NAA60: variants seen among roughly 807,000 people sequenced by gnomAD.
NAA60 encodes N-alpha-acetyltransferase 60.
In NAA60, 8 loss-of-function variants were observed where a neutral mutation model predicts 26.1. That is an observed-to-expected ratio of 0.31 (90% CI 0.18 to 0.55). The LOEUF is 0.55. Among genes scored for constraint, NAA60 ranks in the 20% least tolerant of loss-of-function variants. The pLI is 0.93. For synonymous variants in NAA60, 131 were observed against 122.5 expected (o/e 1.07, Z -0.46); for missense variants, 290 against 311.3 (o/e 0.93, Z 0.51).
intron 1 of NAA60, among the ~76,000 whole-genome samples, chr16:3,447,140 C>T (rs1011956454): frequency 6.6e-6 from 1 of 152,142 alleles, no homozygotes; most frequent in Admixed American, 6.5e-5. Flanking sequence ...TGCCCCCGGC[C>T]CCTATTCTTA....
intron 2 of NAA60, among the ~76,000 whole-genome samples, chr16:3,459,991 T>TTGTG (rs1407666949): frequency 6.6e-6 from 1 of 152,214 alleles, no homozygotes; most frequent in East Asian, 1.9e-4. Flanking sequence ...CCAGGAGGGA[T>TTGTG]TGTGCCCTGT....
intron 2 of NAA60, among the ~76,000 whole-genome samples, chr16:3,474,246 C>T (rs758932562): frequency 9.2e-5 from 14 of 152,196 alleles, no homozygotes; most frequent in Admixed American, 2.0e-4. Context: ...TCAGTGCTGG[C>T]CCTGTCCCAG....
At chr16:3,464,119 C>T (rs191567188) in intron 2 of NAA60, among the ~76,000 whole-genome samples, 3 of 152,230 alleles carry the variant, frequency 2.0e-5, no homozygotes, top group South Asian at 2.1e-4. Context: ...CTGCACCCTC[C>T]GCCTCCTGGG....
rs1393750808 is a variant in NAA60 at position 3,480,857 on chromosome 16, G to GGA, written c.240+1260_240+1261dup. On this transcript the variant is annotated intron_variant, in intron 4 of 7. Coordinates refer to ENST00000407558, the MANE Select transcript of NAA60 (RefSeq NM_001083601.3). ...GGAGGCAGTGGAGGTTGCAGTGAGCGGAGATTGCACTTTTGCACTCCAGCC... is the reference window on the plus strand; with the variant it reads ...GGAGGCAGTGGAGGTTGCAGTGAGCGGAGAGATTGCACTTTTGCACTCCAGCC... 2.6e-5 allele frequency among the ~76,000 whole-genome samples: 4 copies of GGA among 152,204 alleles called. No homozygotes were observed. The East Asian group carries it at 7.7e-4, about 29-fold the overall frequency.
rs1374581911 is a variant in NAA60, at chr16:3,475,278, CAG to C, written c.-6-943_-6-942del. ...TTAATTTTTGTATTTTTTGTAGAGA[CAG>C]GGTTTTGCCATGTTGGCCAGGCTGG... On this transcript the variant is annotated intron_variant, in intron 2 of 7. Coordinates refer to ENST00000407558, the MANE Select transcript of NAA60 (RefSeq NM_001083601.3). 4.6e-5 allele frequency among the ~76,000 whole-genome samples: 7 copies of C among 152,224 alleles called. No individual in the cohort carries two copies. The East Asian group carries it at 1.4e-3, about 29-fold the overall frequency.
At chr16:3,447,068 C>G (rs1055768017) in intron 1 of NAA60, among the ~76,000 whole-genome samples, 1 of 152,034 alleles carries the variant, frequency 6.6e-6, no homozygotes, top group Non-Finnish European at 1.5e-5. Context: ...GTCTCGAACT[C>G]CTGACCTTGT....
intron 3 of NAA60, among the ~76,000 whole-genome samples, chr16:3,476,998 G>A (rs1159665922): frequency 2.6e-5 from 4 of 151,854 alleles, no homozygotes; most frequent in Non-Finnish European, 4.4e-5. Flanking sequence ...CCGAGATTGC[G>A]CCATTGCACT....
At chr16:3,451,715 G>A (rs1366063058) in intron 2 of NAA60, among the ~76,000 whole-genome samples, 2 of 151,864 alleles carry the variant, frequency 1.3e-5, no homozygotes, top group Non-Finnish European at 1.5e-5. Context: ...CTCAGGAGTT[G>A]GAGACCAGCC....
At chr16:3,483,284 T>A in intron 5 of NAA60, 79 bp from the exon 6 acceptor site, 1 of 1,060,918 alleles carries the variant, frequency 9.4e-7, no homozygotes. Context: ...GAGAGACTCA[T>A]GCAAAGCCCC....
chr16:3,458,223 C>G, intron 2 of NAA60: 10 of 574,632 alleles, frequency 1.7e-5, no homozygotes, highest in Non-Finnish European at 2.0e-5. Context: ...GGACCTGCGG[C>G]GGGGCGCCGA....
chr16:3,456,002 G>A (rs35771081), intron 2 of NAA60, among the ~76,000 whole-genome samples: 2,615 of 152,064 alleles, frequency 0.017, 68 homozygotes, highest in African/African-American at 0.056. Flanking sequence ...ACCGCGCCCT[G>A]CCCAAAAAAA....
intron 4 of NAA60, among the ~76,000 whole-genome samples, chr16:3,481,448 C>G (rs1325157067): frequency 3.3e-5 from 5 of 152,146 alleles, no homozygotes; most frequent in Non-Finnish European, 7.4e-5. Context: ...TCCCCTGAAC[C>G]CCATCCCCCT....
intron 5 of NAA60, 171 bp downstream of exon 5, chr16:3,482,769 C>T (rs1596361441): frequency 1.6e-6 from 1 of 630,628 alleles, no homozygotes; most frequent in African/African-American, 1.8e-5. Flanking sequence ...CTTCATCATC[C>T]CTCCCCTGCC....
intron 3 of NAA60, among the ~76,000 whole-genome samples, chr16:3,478,637 C>A (rs2036631427): frequency 6.6e-6 from 1 of 152,304 alleles, no homozygotes; most frequent in East Asian, 1.9e-4. Flanking sequence ...GGGGTCTTGG[C>A]CTCATTGTTG....
rs553225088 is a variant in NAA60 at position 3,485,021 on chromosome 16, G to A, written c.*166G>A. The A allele has an allele frequency of 1.3e-6, 2 of 1,520,810 alleles. No homozygotes were observed. The highest frequency in any genetic ancestry group is 2.0e-5 in the Admixed American group (1 of 50,254). The allele number at this position is 1,520,810 out of a possible 1,614,324, so 94.2% of individuals were successfully genotyped here. On this transcript the variant is annotated 3_prime_UTR_variant, in exon 7 of 8. Coordinates refer to ENST00000407558, the MANE Select transcript of NAA60 (RefSeq NM_001083601.3). Reference sequence around the variant, plus strand: ...CCGGTGCTACACGGGCTCGGGAACAGAACATCGTGGGCATGCGCAGAGCAT... The same window carrying A: ...CCGGTGCTACACGGGCTCGGGAACAAAACATCGTGGGCATGCGCAGAGCAT...
At chr16:3,482,069 G>A (rs79072293) in intron 4 of NAA60, among the ~76,000 whole-genome samples, 4,145 of 152,210 alleles carry the variant, frequency 0.027, 174 homozygotes, top group African/African-American at 0.094. Flanking sequence ...CTGGGGCAGC[G>A]TGCGATTCTT....
At position 3,443,885 on chromosome 16, in the gene NAA60, C is replaced by T. The variant is rs56223828; in HGVS notation, c.-77+48C>T. 4.1e-3 allele frequency: 6,149 copies of T among 1,509,714 alleles called. 222 individuals are homozygous for T. The African/African-American group carries it at 0.077, about 19-fold the overall frequency. The allele number at this position is 1,509,714 out of a possible 1,614,324, so 93.5% of individuals were successfully genotyped here. ...TGTAGGCCTGAAATTTCGGTCTGGCCAGAGCAAGGTGATTGAGAGGGCGGG... is the reference window on the plus strand; with the variant it reads ...TGTAGGCCTGAAATTTCGGTCTGGCTAGAGCAAGGTGATTGAGAGGGCGGG... On this transcript the variant is annotated intron_variant, in intron 1 of 7. Coordinates refer to ENST00000407558, the MANE Select transcript of NAA60 (RefSeq NM_001083601.3).
intron 3 of NAA60, among the ~76,000 whole-genome samples, chr16:3,477,361 C>T (rs2036546314): frequency 6.6e-6 from 1 of 152,218 alleles, no homozygotes; most frequent in Non-Finnish European, 1.5e-5. Flanking sequence ...TCTTGCCAGC[C>T]ACCAGCATTT....
chr16:3,448,406 C>G lies in NAA60; in HGVS notation c.-76-65C>G, dbSNP rs143974879. ...CAGGGTTTGTCTGACACTCATTAGC[C>G]TATGAGTTGTAGAGATGGGATGGCC... On this transcript the variant is annotated intron_variant, in intron 1 of 7. Transcript: ENST00000407558. 101 of 1,326,156 alleles carry G rather than the reference C, an allele frequency of 7.6e-5. No individual in the cohort carries two copies. The East Asian group carries it at 2.4e-3, about 32-fold the overall frequency. 82.1% of individuals were successfully genotyped at this position (1,326,156 alleles called of 1,614,324 possible). A position where few individuals can be genotyped will look rare whatever the true frequency, so the allele number is the denominator to read the frequency against.
Sources: gnomAD v4.1 joint callset for allele counts (sites outside exome capture counted in the v4.1 genomes callset) on GRCh38, gnomAD v4.1.1 for gene constraint, MANE v1.5 for transcripts, NCBI Gene and HGNC (gene_info 2026-07-23, HGNC 2026-07-21) for gene names.